DOK6: variants seen among roughly 807,000 people sequenced by gnomAD.
DOK6 encodes the protein docking protein 6.
Under a neutral mutation model 44.0 loss-of-function variants are expected in DOK6, and 22 were observed. The ratio of observed to expected loss-of-function variants is 0.50; its 90% CI spans 0.36 to 0.71. The LOEUF (loss-of-function observed/expected upper bound fraction) is 0.71. Among genes scored for constraint, DOK6 ranks in the 30% least tolerant of loss-of-function variants. DOK6 has a pLI of 0.00. For missense variants in DOK6, 340 were observed against 416.4 expected (o/e 0.82, Z 1.60); for synonymous variants, 166 against 145.5 (o/e 1.14, Z -1.01).
intron 3 of DOK6, among the ~76,000 whole-genome samples, chr18:69,645,560 A>G (rs1413717364): frequency 6.6e-6 from 1 of 152,200 alleles, no homozygotes; most frequent in Non-Finnish European, 1.5e-5. Context: ...TGGGCAAAAT[A>G]CATGCTAGTA....
chr18:69,562,584 ACTGGCTAGC>A (rs1982862843), intron 1 of DOK6, among the ~76,000 whole-genome samples: 1 of 152,186 alleles, frequency 6.6e-6, no homozygotes, highest in Non-Finnish European at 1.5e-5. Context: ...TGCTGGGAAA[ACTGGCTAGC>A]CATATGTAGA....
intron 3 of DOK6, among the ~76,000 whole-genome samples, chr18:69,652,891 C>T (rs990544394): frequency 8.6e-5 from 13 of 152,024 alleles, no homozygotes; most frequent in East Asian, 1.9e-4. Flanking sequence ...AAATCAGTTT[C>T]GAATAGTAAG....
intron 6 of DOK6, among the ~76,000 whole-genome samples, chr18:69,740,512 T>A (rs999515390): frequency 6.6e-6 from 1 of 152,154 alleles, no homozygotes; most frequent in South Asian, 2.1e-4. Context: ...AAGCAAAAGC[T>A]CATAGAGTGA....
At chr18:69,709,723 GAA>G (rs1986716116) in intron 5 of DOK6, among the ~76,000 whole-genome samples, 2 of 152,052 alleles carry the variant, frequency 1.3e-5, no homozygotes, top group African/African-American at 4.8e-5. Flanking sequence ...AAAGGGTAAA[GAA>G]AAAAGATATT....
intron 1 of DOK6, among the ~76,000 whole-genome samples, chr18:69,437,555 C>T (rs961360740): frequency 3.3e-5 from 5 of 152,150 alleles, no homozygotes; most frequent in Non-Finnish European, 4.4e-5. Flanking sequence ...CAGTACCAGG[C>T]TGTTTTGGTT....
intron 3 of DOK6, among the ~76,000 whole-genome samples, chr18:69,607,678 A>G (rs1280214690): frequency 6.6e-6 from 1 of 152,186 alleles, no homozygotes; most frequent in South Asian, 2.1e-4. Context: ...ACCAAAGACA[A>G]TATGTTAAAG....
intron 3 of DOK6, among the ~76,000 whole-genome samples, chr18:69,652,780 AACT>A (rs1208577721): frequency 7.2e-5 from 11 of 152,298 alleles, no homozygotes; most frequent in Admixed American, 5.9e-4. Flanking sequence ...GCCTTAAGTA[AACT>A]GGTAGGAGAA....
At chr18:69,792,084 G>GT (rs1447449869) in intron 7 of DOK6, among the ~76,000 whole-genome samples, 1 of 152,018 alleles carries the variant, frequency 6.6e-6, no homozygotes, top group South Asian at 2.1e-4. Flanking sequence ...TTATTTATGG[G>GT]TCCCCTATAC....
At chr18:69,597,405 C>A (rs905175243) in intron 2 of DOK6, among the ~76,000 whole-genome samples, 2 of 152,114 alleles carry the variant, frequency 1.3e-5, no homozygotes, top group African/African-American at 4.8e-5. Flanking sequence ...CATTATATTA[C>A]CTCGTTTTAT....
At chr18:69,676,969 A>G (rs915639008) in intron 3 of DOK6, among the ~76,000 whole-genome samples, 7 of 152,206 alleles carry the variant, frequency 4.6e-5, no homozygotes, top group African/African-American at 1.4e-4. Flanking sequence ...AGGTAATCAT[A>G]GAAAAAAAAA....
intron 4 of DOK6, among the ~76,000 whole-genome samples, chr18:69,682,952 T>A (rs1416024107): frequency 6.6e-6 from 1 of 152,198 alleles, no homozygotes; most frequent in Non-Finnish European, 1.5e-5. Context: ...AGCAGCACCT[T>A]ACTCATGTGG....
chr18:69,534,305 A>C (rs1179580084), intron 1 of DOK6, among the ~76,000 whole-genome samples: 2 of 152,166 alleles, frequency 1.3e-5, no homozygotes, highest in Non-Finnish European at 2.9e-5. Context: ...ATTTAGAGTT[A>C]TGCAATTGCA....
rs73457993 is a variant in DOK6 at position 69,610,615 on chromosome 18, C to T, written c.289+11117C>T. ...AGAAGTATATACAATGAACACAGTC[C>T]GCCCTCCATATCTGCGGACACTGCA... On this transcript the variant is annotated intron_variant, in intron 3 of 7. Transcript: ENST00000382713. 9.5e-3 allele frequency among the ~76,000 whole-genome samples: 1,450 copies of T among 152,048 alleles called. 25 individuals are homozygous for T. The highest frequency in any genetic ancestry group is 0.033 in the African/African-American group (1,350 of 41,466).
chr18:69,666,818 G>A (rs1985670838), intron 3 of DOK6, among the ~76,000 whole-genome samples: 1 of 152,184 alleles, frequency 6.6e-6, no homozygotes, highest in African/African-American at 2.4e-5. Flanking sequence ...AAAGTTGCCT[G>A]CAGGCTGCCA....
intron 7 of DOK6, among the ~76,000 whole-genome samples, chr18:69,817,358 G>A (rs933097846): frequency 3.9e-5 from 6 of 152,072 alleles, no homozygotes; most frequent in African/African-American, 7.3e-5. Context: ...CCCTAAAAGA[G>A]GTATCTCCAA....
At chr18:69,435,030 GGAA>G (rs1568256511) in intron 1 of DOK6, among the ~76,000 whole-genome samples, 11 of 28,364 alleles carry the variant, frequency 3.9e-4, no homozygotes, top group Middle Eastern at 0.014. Context: ...AGGGAGGGAA[GGAA>G]GGAAGGAAGG....
At chr18:69,675,045 T>A (rs141560804) in intron 3 of DOK6, among the ~76,000 whole-genome samples, 2 of 152,216 alleles carry the variant, frequency 1.3e-5, no homozygotes, top group Admixed American at 6.5e-5. Flanking sequence ...TATTCTTATA[T>A]GCTACTACAC....
At chr18:69,491,711 A>G (rs987511802) in intron 1 of DOK6, among the ~76,000 whole-genome samples, 2 of 152,238 alleles carry the variant, frequency 1.3e-5, no homozygotes, top group Non-Finnish European at 2.9e-5. Flanking sequence ...TGCAGTAGTC[A>G]TTTAGCAGGC....
At chr18:69,550,035 A>G (rs1036841) in intron 1 of DOK6, among the ~76,000 whole-genome samples, 135,576 of 150,932 alleles carry the variant, frequency 0.9, 62,673 homozygotes, top group Non-Finnish European at 1. Flanking sequence ...AAGTTTATAA[A>G]GTGTAATCAT....
Sources: allele counts gnomAD v4.1 joint callset (sites outside exome capture counted in the v4.1 genomes callset), GRCh38; gene constraint gnomAD v4.1.1; transcripts MANE v1.5; gene names NCBI Gene and HGNC (gene_info 2026-07-23, HGNC 2026-07-21).